The following PICALM variants were observed in gnomAD, a reference collection of about 807,000 sequenced individuals.
PICALM encodes phosphatidylinositol binding clathrin assembly protein.
A neutral mutation model predicts 80.5 loss-of-function variants in PICALM; 40 were observed. The observed-to-expected ratio is 0.50, with a 90% CI of 0.39 to 0.65. The LOEUF (loss-of-function observed/expected upper bound fraction) is 0.65. PICALM is among the 30% of genes least tolerant of loss of function. The pLI, the probability that PICALM is intolerant of heterozygous loss-of-function variation, is 0.00. For synonymous variants in PICALM, 288 were observed against 260.3 expected, an observed-to-expected ratio of 1.11 and a Z score of -1.02; for missense variants, 676 against 778.9, an observed-to-expected ratio of 0.87 and a Z score of 1.57.
At chr11:85,980,470 C>T (rs1383442331) in intron 17 of PICALM, among the ~76,000 whole-genome samples, 1 of 152,132 alleles carries the variant, frequency 6.6e-6, no homozygotes. Context: ...TATATTTCCC[C>T]CAGCAAGGGT....
intron 1 of PICALM, among the ~76,000 whole-genome samples, chr11:86,048,245 C>G (rs1165556834): frequency 6.6e-6 from 1 of 152,154 alleles, no homozygotes; most frequent in Non-Finnish European, 1.5e-5. Flanking sequence ...AATTCTATAG[C>G]TAATTTTTAA....
At chr11:86,049,403 T>A (rs758986594) in intron 1 of PICALM, among the ~76,000 whole-genome samples, 2 of 152,228 alleles carry the variant, frequency 1.3e-5, no homozygotes, top group Non-Finnish European at 1.5e-5. Flanking sequence ...CACAAATTCA[T>A]TGCAGAGCAA....
intron 14 of PICALM, 56 bp downstream of exon 14, chr11:85,983,810 A>T: frequency 1.4e-6 from 1 of 724,068 alleles, no homozygotes; most frequent in Non-Finnish European, 2.3e-6. Flanking sequence ...ATTTTTCCTT[A>T]CACAGAATCT....
In PICALM at chr11:85,958,016, T is replaced by C. The variant is rs951259611; in HGVS notation, c.*1030A>G. On this transcript the variant is annotated 3_prime_UTR_variant, in exon 20 of 20. Coordinates refer to ENST00000393346, the MANE Select transcript of PICALM (RefSeq NM_007166.4). ...GAGCCAAAGAAAATGTTCAAGGACTTTGCCCCCCTTCCCTCCCCCTTGTAA... is the reference window on the plus strand; with the variant it reads ...GAGCCAAAGAAAATGTTCAAGGACTCTGCCCCCCTTCCCTCCCCCTTGTAA... 4 of 226,088 alleles carry C rather than the reference T, an allele frequency of 1.8e-5. No individual in the cohort carries two copies. Among genetic ancestry groups the C allele is most frequent in the Non-Finnish European group, 3.5e-5 (4 of 113,524 alleles). The allele number at this position is 226,088 out of a possible 1,614,324, so 14.0% of individuals were successfully genotyped here. A position where few individuals can be genotyped will look rare whatever the true frequency, so the allele number is the denominator to read the frequency against.
chr11:85,992,473 CG>C (rs2094813807), intron 12 of PICALM, among the ~76,000 whole-genome samples: 1 of 151,652 alleles, frequency 6.6e-6, no homozygotes, highest in African/African-American at 2.4e-5. Flanking sequence ...TTAGTAGAGA[CG>C]GGGGTTTCAC....
At chr11:85,987,621 A>G (rs1392394727) in intron 13 of PICALM, among the ~76,000 whole-genome samples, 3 of 152,234 alleles carry the variant, frequency 2.0e-5, no homozygotes, top group Non-Finnish European at 4.4e-5. Context: ...TGTGGTCCAC[A>G]TATACAAGAA....
chr11:86,000,636 C>T lies in PICALM; in HGVS notation c.1154+7G>A. ...TATTCAAAGGTAACCTTAACTTCTA[C>T]TCCTACCTGTTAGAAGAACTAGGGG... On this transcript the variant is annotated splice_region_variant and intron_variant, in intron 11 of 19. Coordinates refer to ENST00000393346, the MANE Select transcript of PICALM (RefSeq NM_007166.4). 6.2e-7 allele frequency: 1 copy of T among 1,610,042 alleles called. No individual in the cohort carries two copies. Among genetic ancestry groups the T allele is most frequent in the Non-Finnish European group, 8.5e-7 (1 of 1,178,728 alleles).
intron 1 of PICALM, among the ~76,000 whole-genome samples, chr11:86,061,895 G>C (rs1240560499): frequency 6.6e-6 from 1 of 151,838 alleles, no homozygotes; most frequent in Non-Finnish European, 1.5e-5. Flanking sequence ...AATAAACCCG[G>C]GTATATCCAG....
chr11:85,994,519 T>C (rs1035997874), intron 12 of PICALM, among the ~76,000 whole-genome samples: 1 of 152,218 alleles, frequency 6.6e-6, no homozygotes, highest in African/African-American at 2.4e-5. Flanking sequence ...GTTATTGGCA[T>C]TCATTTTTAG....
intron 11 of PICALM, among the ~76,000 whole-genome samples, chr11:85,999,378 A>G (rs941129758): frequency 1.1e-4 from 17 of 152,226 alleles, no homozygotes; most frequent in Non-Finnish European, 1.5e-4. Flanking sequence ...TATGTGACAT[A>G]AAACATAGTG....
chr11:86,023,516 T>C (rs1489528881), intron 3 of PICALM: 2 of 984,734 alleles, frequency 2.0e-6, no homozygotes, highest in Non-Finnish European at 2.4e-6. Flanking sequence ...TAAACACCTC[T>C]CATCCTTCAA....
intron 19 of PICALM, among the ~76,000 whole-genome samples, chr11:85,967,665 CAG>C (rs759616842): frequency 6.6e-5 from 10 of 152,132 alleles, no homozygotes; most frequent in Non-Finnish European, 1.2e-4. Context: ...GATCGGCTGA[CAG>C]AGGAGGTACT....
intron 1 of PICALM, among the ~76,000 whole-genome samples, chr11:86,040,214 C>T (rs2095934471): frequency 6.6e-6 from 1 of 151,920 alleles, no homozygotes; most frequent in Admixed American, 6.6e-5. Context: ...AAAAAAGGGG[C>T]TGTGGATGAC....
rs373016857 is a variant in PICALM at position 86,001,168 on chromosome 11, T to A, written c.894-10A>T. Reference sequence around the variant, plus strand: ...GGAAAGTGTAGTTGCCCTAGGATAATTGAACAGAGATAATTTGGCTTTTTG... The same window carrying A: ...GGAAAGTGTAGTTGCCCTAGGATAAATGAACAGAGATAATTTGGCTTTTTG... On this transcript the variant is annotated splice_polypyrimidine_tract_variant and intron_variant, in intron 9 of 19. Transcript: ENST00000393346. 2 of 1,611,652 alleles carry A rather than the reference T, an allele frequency of 1.2e-6. No individual in the cohort carries two copies. The highest frequency in any genetic ancestry group is 1.7e-5 in the Admixed American group (1 of 59,410).
intron 1 of PICALM, among the ~76,000 whole-genome samples, chr11:86,060,113 A>C (rs754791984): frequency 6.6e-6 from 1 of 152,160 alleles, no homozygotes; most frequent in Non-Finnish European, 1.5e-5. Context: ...CTACAAAATC[A>C]AATCCAAAAT....
At chr11:86,018,529 A>C (rs1046591791) in intron 4 of PICALM, among the ~76,000 whole-genome samples, 1 of 152,182 alleles carries the variant, frequency 6.6e-6, no homozygotes, top group Non-Finnish European at 1.5e-5. Context: ...TGCTTTTATA[A>C]GATTAAAAAA....
chr11:86,026,371 GAA>G lies in PICALM; in HGVS notation c.274-6_274-5del. On this transcript the variant is annotated splice_region_variant and splice_polypyrimidine_tract_variant and intron_variant, in intron 2 of 19. Transcript: ENST00000393346. ...AAGCCAAATACTGAATAAAACGCTG[GAA>G]AAAAAAAATTACATCATATTAAGGT... 2 of 1,500,324 alleles carry G rather than the reference GAA, an allele frequency of 1.3e-6. No individual in the cohort carries two copies. The highest frequency in any genetic ancestry group is 1.8e-6 in the Non-Finnish European group (2 of 1,102,456). 92.9% of individuals were successfully genotyped at this position (1,500,324 alleles called of 1,614,324 possible).
intron 13 of PICALM, among the ~76,000 whole-genome samples, chr11:85,990,008 C>CAAAAAAA (rs5793177): frequency 1.7e-4 from 15 of 89,322 alleles, no homozygotes; most frequent in Admixed American, 3.9e-4. Flanking sequence ...AACCAAACAC[C>CAAAAAAA]AAAAAAAAAA....
At chr11:86,008,641 A>C (rs1414394884) in intron 7 of PICALM, among the ~76,000 whole-genome samples, 1 of 151,980 alleles carries the variant, frequency 6.6e-6, no homozygotes, top group African/African-American at 2.4e-5. Context: ...AAAAAATCTG[A>C]TAAATTCATT....
Sources: gnomAD v4.1 joint callset for allele counts (sites outside exome capture counted in the v4.1 genomes callset) on GRCh38, gnomAD v4.1.1 for gene constraint, MANE v1.5 for transcripts, NCBI Gene and HGNC (gene_info 2026-07-23, HGNC 2026-07-21) for gene names.